SLC35D4: variants seen among roughly 807,000 people sequenced by gnomAD.
SLC35D4 encodes the protein solute carrier family 35 member D4, also known as UDP-N-acetylglucosamine transporter SLC35D4.
the SLC35D4 span, among the ~76,000 whole-genome samples, chr18:23,382,527 T>C: frequency 5.3e-5 from 8 of 151,554 alleles, no homozygotes; most frequent in Non-Finnish European, 1.5e-5. Context: ...ACACCAATGA[T>C]TGTAAAACTT....
the SLC35D4 span, among the ~76,000 whole-genome samples, chr18:23,246,560 T>G: frequency 4.6e-5 from 7 of 151,532 alleles, no homozygotes; most frequent in South Asian, 2.1e-4. Flanking sequence ...CCCGGCTAAT[T>G]TTTTGTGTTT....
At chr18:23,419,615 A>G in the SLC35D4 span, among the ~76,000 whole-genome samples, 12 of 152,240 alleles carry the variant, frequency 7.9e-5, no homozygotes, top group South Asian at 2.5e-3. Flanking sequence ...ACATATTTAA[A>G]AGGCTGTTTT....
chr18:23,388,310 A>G, the SLC35D4 span, among the ~76,000 whole-genome samples: 1 of 152,252 alleles, frequency 6.6e-6, no homozygotes, highest in Non-Finnish European at 1.5e-5. Context: ...CAATGTGTTA[A>G]ACATAGTGCT....
the SLC35D4 span, among the ~76,000 whole-genome samples, chr18:23,426,545 A>T: frequency 6.6e-6 from 1 of 152,220 alleles, no homozygotes; most frequent in Non-Finnish European, 1.5e-5. Flanking sequence ...AGAATATTCC[A>T]CGCTCATGGA....
chr18:23,408,303 A>T, the SLC35D4 span, among the ~76,000 whole-genome samples: 2 of 152,176 alleles, frequency 1.3e-5, no homozygotes, highest in African/African-American at 4.8e-5. Context: ...CAAGGGCAAC[A>T]ATCTTTGTTT....
chr18:23,355,609 G>C, the SLC35D4 span, among the ~76,000 whole-genome samples: 1 of 75,906 alleles, frequency 1.3e-5, no homozygotes, highest in African/African-American at 5.3e-5. Context: ...TTTTTTTTTT[G>C]GCCCAAACAC....
At chr18:23,434,221 G>A in the SLC35D4 span, among the ~76,000 whole-genome samples, 4 of 151,910 alleles carry the variant, frequency 2.6e-5, no homozygotes, top group Non-Finnish European at 4.4e-5. Flanking sequence ...CTCCACTCTC[G>A]AGCTCACCTC....
At chr18:23,377,588 G>C in the SLC35D4 span, 1 of 1,518,242 alleles carries the variant, frequency 6.6e-7, no homozygotes, top group Non-Finnish European at 8.8e-7. Flanking sequence ...TATCATTCAA[G>C]TTAAAAATAG....
the SLC35D4 span, among the ~76,000 whole-genome samples, chr18:23,342,976 G>A: frequency 1.3e-5 from 2 of 151,520 alleles, no homozygotes; most frequent in African/African-American, 4.8e-5. Context: ...AGGCTGGAGT[G>A]CAGTGGCACA....
chr18:23,251,479 T>C, the SLC35D4 span, among the ~76,000 whole-genome samples: 1 of 151,786 alleles, frequency 6.6e-6, no homozygotes, highest in African/African-American at 2.4e-5. Context: ...TTATGGCGTG[T>C]AGTCAGCCAA....
chr18:23,395,052 T>C, the SLC35D4 span, among the ~76,000 whole-genome samples: 1 of 149,312 alleles, frequency 6.7e-6, no homozygotes, highest in Non-Finnish European at 1.5e-5. Flanking sequence ...AGCAAGATGA[T>C]AAGAAAAATC....
At chr18:23,387,995 C>T in the SLC35D4 span, among the ~76,000 whole-genome samples, 1 of 152,068 alleles carries the variant, frequency 6.6e-6, no homozygotes, top group Non-Finnish European at 1.5e-5. Flanking sequence ...CTTGAAAGGA[C>T]AGCAAAAAAA....
the SLC35D4 span, among the ~76,000 whole-genome samples, chr18:23,311,992 C>T: frequency 6.6e-6 from 1 of 152,244 alleles, no homozygotes; most frequent in Admixed American, 6.5e-5. Flanking sequence ...GCTGTGCTGG[C>T]AGCTCCGCAT....
At chr18:23,394,543 C>G in the SLC35D4 span, among the ~76,000 whole-genome samples, 1 of 152,076 alleles carries the variant, frequency 6.6e-6, no homozygotes, top group Non-Finnish European at 1.5e-5. Flanking sequence ...TTTAAAGCAC[C>G]AAAATTTTTC....
At chr18:23,248,043 T>G in the SLC35D4 span, among the ~76,000 whole-genome samples, 31 of 152,300 alleles carry the variant, frequency 2.0e-4, no homozygotes, top group South Asian at 6.2e-3. Flanking sequence ...CAAGGCTGCT[T>G]GTAAAAAAGA....
chr18:23,337,773 T>C, the SLC35D4 span, among the ~76,000 whole-genome samples: 1 of 152,238 alleles, frequency 6.6e-6, no homozygotes, highest in Admixed American at 6.5e-5. Context: ...AATGTCAACA[T>C]GTCACTGAAG....
chr18:23,298,111 C>T, the SLC35D4 span: 2 of 1,611,634 alleles, frequency 1.2e-6, no homozygotes, highest in South Asian at 2.2e-5. Flanking sequence ...CCCCCGGGAC[C>T]CCTGAGCTGC....
the SLC35D4 span, among the ~76,000 whole-genome samples, chr18:23,308,294 C>T: frequency 1.3e-5 from 2 of 152,106 alleles, no homozygotes; most frequent in African/African-American, 4.8e-5. Flanking sequence ...GAAAGGCTCT[C>T]CCCTCCCCAG....
chr18:23,299,548 C>T, the SLC35D4 span, among the ~76,000 whole-genome samples: 3 of 152,250 alleles, frequency 2.0e-5, no homozygotes, highest in Admixed American at 2.0e-4. Context: ...CATGTTCCTT[C>T]CCCACGCTGA....
Sources: allele counts gnomAD v4.1 joint callset (sites outside exome capture counted in the v4.1 genomes callset), GRCh38; gene constraint gnomAD v4.1.1; transcripts MANE v1.5; gene names NCBI Gene and HGNC (gene_info 2026-07-23, HGNC 2026-07-21).